The following CUX1 variants were observed in gnomAD, a reference collection of about 807,000 sequenced individuals.
The protein encoded by CUX1 is protein CASP.
Under a neutral mutation model 158.8 loss-of-function variants are expected in CUX1, and 31 were observed. That is an observed-to-expected ratio of 0.20 (90% confidence interval 0.15 to 0.26). The LOEUF (loss-of-function observed/expected upper bound fraction) is 0.26. Among genes scored for constraint, CUX1 ranks in the 10% least tolerant of loss-of-function variants. The probability of loss-of-function intolerance (pLI) is 1.00; values close to 1 mark genes in which losing one functional copy is unlikely to be tolerated. For synonymous variants in CUX1, 879 were observed against 862.1 expected (o/e 1.02, Z -0.34); for missense variants, 1,589 against 2,014.6 (o/e 0.79, Z 4.04).
chr7:101,867,407 C>T (rs1181461072), intron 1 of CUX1, among the ~76,000 whole-genome samples: 1 of 152,146 alleles, frequency 6.6e-6, no homozygotes, highest in Admixed American at 6.5e-5. Flanking sequence ...CACCAGGGGC[C>T]CACCTGCCAC....
intron 4 of CUX1, among the ~76,000 whole-genome samples, chr7:102,096,907 G>A (rs1462625255): frequency 1.3e-5 from 2 of 152,150 alleles, no homozygotes; most frequent in Non-Finnish European, 1.5e-5. Context: ...ACTGTGTGGC[G>A]TTCTCAGGCA....
At chr7:102,070,209 G>A (rs549159962) in intron 3 of CUX1, 130 bp from the exon 4 acceptor site, 30 of 714,036 alleles carry the variant, frequency 4.2e-5, no homozygotes, top group Non-Finnish European at 6.5e-5. Flanking sequence ...TTTCCTCTAA[G>A]AGGCTGAAGC....
chr7:102,239,734 T>G (rs1586393120), intron 23 of CUX1, 150 bp downstream of exon 23: 3 of 764,952 alleles, frequency 3.9e-6, no homozygotes, highest in Non-Finnish European at 5.7e-6. Context: ...TCCCTTAGGG[T>G]TTTTTTTTTC....
chr7:102,120,615 T>C (rs1238539797), intron 8 of CUX1, among the ~76,000 whole-genome samples: 3 of 152,272 alleles, frequency 2.0e-5, no homozygotes, highest in African/African-American at 7.2e-5. Context: ...ATTTTCTTTA[T>C]AACATGTATA....
chr7:101,882,756 G>T (rs140797197), intron 1 of CUX1, among the ~76,000 whole-genome samples: 84 of 152,296 alleles, frequency 5.5e-4, no homozygotes, highest in African/African-American at 1.9e-3. Context: ...CTTGCTTTAA[G>T]CCCAGCCCCT....
At chr7:101,821,277 T>C (rs947475047) in intron 1 of CUX1, among the ~76,000 whole-genome samples, 1 of 151,754 alleles carries the variant, frequency 6.6e-6, no homozygotes, top group Non-Finnish European at 1.5e-5. Flanking sequence ...ATTCTACATT[T>C]AGAGAATATA....
At chr7:102,178,448 C>T (rs1792639424) in intron 10 of CUX1, 21 bp from the exon 11 acceptor site, 1 of 1,573,940 alleles carries the variant, frequency 6.4e-7, no homozygotes, top group African/African-American at 1.4e-5. Context: ...GCAGTTTTGT[C>T]ATCTCTTTTC....
chr7:102,017,810 G>A (rs994298581), intron 2 of CUX1, among the ~76,000 whole-genome samples: 3 of 152,198 alleles, frequency 2.0e-5, no homozygotes, highest in Non-Finnish European at 2.9e-5. Flanking sequence ...TCACACCACT[G>A]CACTCCAGCC....
rs1554518433 is a variant in CUX1 at position 102,196,704 on chromosome 7, T to C, written c.1293T>C (p.Pro431=). 1 of 1,608,738 alleles carries C rather than the reference T, an allele frequency of 6.2e-7. No homozygotes were observed. Among genetic ancestry groups the C allele is most frequent in the Non-Finnish European group, 8.5e-7 (1 of 1,176,550 alleles). ...RRPGSLPAPP[P]SQLPRNPGEQ... ...CGGGATCTTTGCCGGCCCCCCCTCC[T>C]TCTCAGTTGCCCCGCAACCCGGGGG... is the stretch of plus-strand genomic sequence containing the variant. Residue 431 remains proline (P), a synonymous_variant, in exon 15 of 24, where the codon CCT becomes CCC. Transcript: ENST00000292535.
At chr7:102,016,473 A>T (rs537092629) in intron 2 of CUX1, among the ~76,000 whole-genome samples, 4 of 152,332 alleles carry the variant, frequency 2.6e-5, no homozygotes, top group Admixed American at 2.6e-4. Flanking sequence ...GCATAAATGG[A>T]AGTCACGTGC....
intron 2 of CUX1, among the ~76,000 whole-genome samples, chr7:101,984,097 T>A (rs868306263): frequency 0.29 from 4,495 of 15,610 alleles, 515 homozygotes; most frequent in African/African-American, 0.41. Flanking sequence ...AAAATATATA[T>A]ATATATATAT....
At chr7:102,002,890 ACT>A (rs1376417854) in intron 2 of CUX1, among the ~76,000 whole-genome samples, 1 of 150,558 alleles carries the variant, frequency 6.6e-6, no homozygotes, top group African/African-American at 2.5e-5. Context: ...CTGCAGAGAG[ACT>A]CTTTTTATTT....
chr7:102,121,889 C>T (rs1356572167), intron 8 of CUX1, among the ~76,000 whole-genome samples: 2 of 152,124 alleles, frequency 1.3e-5, no homozygotes, highest in African/African-American at 2.4e-5. Context: ...AATCAAGCAG[C>T]AAAGGTGAGG....
At chr7:102,068,917 T>C (rs1202446485) in intron 3 of CUX1, among the ~76,000 whole-genome samples, 1 of 152,184 alleles carries the variant, frequency 6.6e-6, no homozygotes, top group Non-Finnish European at 1.5e-5. Context: ...GCGTCCAGCA[T>C]AGTTGATGAA....
chr7:102,053,030 G>A (rs439359), intron 3 of CUX1, among the ~76,000 whole-genome samples: 3,837 of 152,084 alleles, frequency 0.025, 71 homozygotes, highest in Middle Eastern at 0.068. Flanking sequence ...GGCTGGTCTC[G>A]AACTCCTGAC....
chr7:101,923,716 C>T (rs542380566), intron 2 of CUX1, among the ~76,000 whole-genome samples: 1 of 152,348 alleles, frequency 6.6e-6, no homozygotes, highest in Admixed American at 6.5e-5. Flanking sequence ...ACCTGTCCTG[C>T]TCAGATGCAC....
intron 2 of CUX1, among the ~76,000 whole-genome samples, chr7:102,011,154 C>T (rs1032927170): frequency 5.9e-5 from 9 of 151,976 alleles, no homozygotes; most frequent in East Asian, 1.9e-4. Flanking sequence ...TTGTTATTGA[C>T]GGTCTCTTTG....
intron 1 of CUX1, among the ~76,000 whole-genome samples, chr7:101,846,260 A>G (rs1460370919): frequency 1.3e-5 from 2 of 152,018 alleles, no homozygotes; most frequent in Non-Finnish European, 2.9e-5. Flanking sequence ...GCTGATGCCC[A>G]TAGTCTGTGC....
rs200383609 is a variant in CUX1 at position 102,006,387 on chromosome 7, TTTTTC to T, written c.142-21692_142-21688del. 8.4e-3 allele frequency among the ~76,000 whole-genome samples: 1,277 copies of T among 152,212 alleles called. 11 individuals are homozygous for T. The highest frequency in any genetic ancestry group is 0.029 in the African/African-American group (1,198 of 41,522). The stretch of plus-strand genomic sequence containing the variant: ...TATCTCATCTCGGTAGAATGGATTT[TTTTTC>T]TTTTCTTTTCTTTTCTTTCTTTGAG... On this transcript the variant is annotated intron_variant, in intron 2 of 23. Coordinates refer to ENST00000292535, the MANE Select transcript of CUX1 (RefSeq NM_181552.4).
Sources: allele counts gnomAD v4.1 joint callset (sites outside exome capture counted in the v4.1 genomes callset), GRCh38; gene constraint gnomAD v4.1.1; transcripts MANE v1.5; gene names NCBI Gene and HGNC (gene_info 2026-07-23, HGNC 2026-07-21).